SPATA17: variants seen among roughly 807,000 people sequenced by gnomAD.
SPATA17 encodes spermatogenesis-associated protein 17.
SPATA17 carries 53 observed loss-of-function variants against 62.2 expected under a neutral mutation model. The ratio of observed to expected loss-of-function variants is 0.85; its 90% CI spans 0.68 to 1.07. SPATA17 has a LOEUF of 1.07. Among genes scored for constraint, SPATA17 ranks in the 50% least tolerant of loss-of-function variants. The pLI is 0.00. For synonymous variants in SPATA17, 146 were observed against 146.8 expected (o/e 0.99, Z 0.04); for missense variants, 466 against 425.5 (o/e 1.10, Z -0.84).
intron 6 of SPATA17, among the ~76,000 whole-genome samples, chr1:217,758,317 G>A (rs1673095365): frequency 6.6e-6 from 1 of 152,112 alleles, no homozygotes; most frequent in South Asian, 2.1e-4. Flanking sequence ...ATGACTACAT[G>A]ACACTATCGC....
chr1:217,715,581 G>T (rs1671982424), intron 5 of SPATA17, among the ~76,000 whole-genome samples: 1 of 151,778 alleles, frequency 6.6e-6, no homozygotes, highest in African/African-American at 2.4e-5. Flanking sequence ...TCCCTAGGCA[G>T]CTCTGTCATA....
intron 9 of SPATA17, among the ~76,000 whole-genome samples, chr1:217,856,756 C>A (rs906515263): frequency 2.6e-5 from 4 of 152,204 alleles, no homozygotes; most frequent in African/African-American, 9.6e-5. Flanking sequence ...AGTCCTACAA[C>A]TGTAACAGTT....
At chr1:217,718,897 T>C (rs1036789061) in intron 5 of SPATA17, among the ~76,000 whole-genome samples, 15 of 152,278 alleles carry the variant, frequency 9.9e-5, no homozygotes, top group African/African-American at 3.1e-4. Context: ...CAACAGAGCT[T>C]AGAAGCCAGC....
intron 7 of SPATA17, among the ~76,000 whole-genome samples, chr1:217,779,038 A>G (rs1673668631): frequency 6.6e-6 from 1 of 152,050 alleles, no homozygotes; most frequent in Non-Finnish European, 1.5e-5. Flanking sequence ...ATGTATAGGT[A>G]TATGGAAAAT....
intron 9 of SPATA17, among the ~76,000 whole-genome samples, chr1:217,849,075 A>C (rs944611146): frequency 6.6e-6 from 1 of 152,112 alleles, no homozygotes; most frequent in African/African-American, 2.4e-5. Flanking sequence ...GATTTTAGTG[A>C]TGCTTGGTTC....
intron 8 of SPATA17, among the ~76,000 whole-genome samples, chr1:217,800,521 C>G (rs1674283583): frequency 6.6e-6 from 1 of 152,094 alleles, no homozygotes; most frequent in Non-Finnish European, 1.5e-5. Flanking sequence ...TGAGAATAGG[C>G]TCTTATGGAT....
At chr1:217,633,821 T>C (rs999449174) in intron 1 of SPATA17, among the ~76,000 whole-genome samples, 4 of 152,198 alleles carry the variant, frequency 2.6e-5, no homozygotes, top group African/African-American at 7.2e-5. Flanking sequence ...AGAATAACGC[T>C]GAAGCTGAAA....
chr1:217,733,192 A>G (rs1672436398), intron 5 of SPATA17, among the ~76,000 whole-genome samples: 1 of 152,138 alleles, frequency 6.6e-6, no homozygotes, highest in Non-Finnish European at 1.5e-5. Context: ...TACTTTTTTC[A>G]TTCTCAAACT....
At chr1:217,738,374 A>G (rs1006200039) in intron 5 of SPATA17, among the ~76,000 whole-genome samples, 1 of 152,188 alleles carries the variant, frequency 6.6e-6, no homozygotes, top group Non-Finnish European at 1.5e-5. Context: ...CACCAAGGGA[A>G]TTAGAGAAAG....
chr1:217,814,767 G>T (rs1397409892), intron 9 of SPATA17, among the ~76,000 whole-genome samples: 1 of 152,036 alleles, frequency 6.6e-6, no homozygotes, highest in Non-Finnish European at 1.5e-5. Context: ...AGGATTGTGT[G>T]AGCCCATGAG....
At chr1:217,656,741 C>A (rs781480529) in intron 3 of SPATA17, among the ~76,000 whole-genome samples, 1 of 152,144 alleles carries the variant, frequency 6.6e-6, no homozygotes, top group African/African-American at 2.4e-5. Flanking sequence ...TTACATTCTT[C>A]ATGTGTGCAC....
intron 9 of SPATA17, among the ~76,000 whole-genome samples, chr1:217,807,588 C>T (rs948453718): frequency 6.6e-6 from 1 of 151,698 alleles, no homozygotes; most frequent in Non-Finnish European, 1.5e-5. Context: ...TAATTTTTGG[C>T]TTAGAGTAAA....
chr1:217,698,853 T>C (rs1671525898), intron 5 of SPATA17, among the ~76,000 whole-genome samples: 1 of 152,212 alleles, frequency 6.6e-6, no homozygotes, highest in South Asian at 2.1e-4. Context: ...ATAACCACAT[T>C]CACTTCTATT....
intron 4 of SPATA17, among the ~76,000 whole-genome samples, chr1:217,671,311 C>A (rs1023032725): frequency 6.6e-6 from 1 of 152,184 alleles, no homozygotes; most frequent in Non-Finnish European, 1.5e-5. Flanking sequence ...AGACTGACTT[C>A]AGGATAAAAG....
chr1:217,696,914 A>G (rs1232322049), intron 5 of SPATA17, among the ~76,000 whole-genome samples: 1 of 152,196 alleles, frequency 6.6e-6, no homozygotes, highest in Non-Finnish European at 1.5e-5. Context: ...CTATGCCATC[A>G]AATCTTCCGA....
At chr1:217,864,686 T>G (rs184437445) in intron 10 of SPATA17, among the ~76,000 whole-genome samples, 42 of 152,242 alleles carry the variant, frequency 2.8e-4, no homozygotes, top group Non-Finnish European at 2.5e-4. Context: ...GTTCTATTTT[T>G]TGATGTTTTA....
At position 217,751,427 on chromosome 1, in the gene SPATA17, C is replaced by T. The variant is rs369230440; in HGVS notation, c.519+9329C>T. ...TAGTTTAAGAGGCAGGTCCTCAAGT[C>T]TGGACATTTGTTCTTAATCCCAAGT... is the stretch of plus-strand genomic sequence containing the variant. On this transcript the variant is annotated intron_variant, in intron 6 of 10. Transcript: ENST00000366933. 3.3e-4 allele frequency among the ~76,000 whole-genome samples: 51 copies of T among 152,296 alleles called. 1 individual carries two copies. The East Asian group carries it at 4.6e-3, about 14-fold the overall frequency.
intron 9 of SPATA17, chr1:217,850,452 G>T (rs1675622447): frequency 7.3e-7 from 1 of 1,361,228 alleles, no homozygotes; most frequent in Non-Finnish European, 1.0e-6. Flanking sequence ...ACTCTTTCTG[G>T]ATGTTGTAGT....
chr1:217,734,750 TC>T (rs962681585), intron 5 of SPATA17, among the ~76,000 whole-genome samples: 22 of 152,222 alleles, frequency 1.4e-4, no homozygotes, highest in African/African-American at 5.1e-4. Context: ...ATTATTTGTT[TC>T]TTTGTCAAAA....
Sources: allele counts gnomAD v4.1 joint callset (sites outside exome capture counted in the v4.1 genomes callset), GRCh38; gene constraint gnomAD v4.1.1; transcripts MANE v1.5; gene names NCBI Gene and HGNC (gene_info 2026-07-23, HGNC 2026-07-21).